The following SMURF1 variants were observed in gnomAD, a reference collection of about 807,000 sequenced individuals.
SMURF1 encodes E3 ubiquitin-protein ligase SMURF1.
Under a neutral mutation model 98.0 loss-of-function variants are expected in SMURF1, and 44 were observed. The ratio of observed to expected loss-of-function variants is 0.45; its 90% CI spans 0.35 to 0.58. The LOEUF (loss-of-function observed/expected upper bound fraction) is 0.58, where lower values mean the gene tolerates loss of function less well. SMURF1 is among the 20% of genes least tolerant of loss of function. The pLI is 0.00. For synonymous variants in SMURF1, 396 were observed against 374.9 expected (o/e 1.06, Z -0.65); for missense variants, 687 against 938.4 (o/e 0.73, Z 3.50).
Position 99,091,016 on chromosome 7 carries a change from T to G in SMURF1, c.56-29179A>C, listed in dbSNP as rs527243468. On this transcript the variant is annotated intron_variant, in intron 1 of 17. Transcript: ENST00000361368. ...GCCACACTAATCAGTTTACTCAGTATCCATGGCTACAACAACAGCAGAGTT... is the reference window on the plus strand; with the variant it reads ...GCCACACTAATCAGTTTACTCAGTAGCCATGGCTACAACAACAGCAGAGTT... Among the ~76,000 whole-genome samples, 8 of 152,300 alleles carry G rather than the reference T, an allele frequency of 5.3e-5. No homozygotes were observed. The East Asian group carries it at 7.7e-4, about 15-fold the overall frequency.
At chr7:99,038,322 T>C in intron 14 of SMURF1, 66 bp downstream of exon 14, 1 of 1,581,138 alleles carries the variant, frequency 6.3e-7, no homozygotes, top group East Asian at 2.2e-5. Flanking sequence ...GCGAAGGAGC[T>C]ACAGCAACTA....
In SMURF1 at chr7:99,137,716, T is replaced by A. The variant is rs566665545; in HGVS notation, c.55+6010A>T. ...CAGCTGCAGTGGAGGTGAACACAGC[T>A]GGAATTACAGAGTGGGGCGCGTCAC... On this transcript the variant is annotated intron_variant, in intron 1 of 17. Coordinates refer to ENST00000361368, the MANE Select transcript of SMURF1 (RefSeq NM_181349.3). Among the ~76,000 whole-genome samples, 414 of 152,356 alleles carry A rather than the reference T, an allele frequency of 2.7e-3. 1 individual carries two copies. Among genetic ancestry groups the A allele is most frequent in the African/African-American group, 9.6e-3 (398 of 41,580 alleles).
In SMURF1 at chr7:99,049,570, T is replaced by C. The variant is rs777448321; in HGVS notation, c.946A>G (p.Ile316Val). 6.2e-7 allele frequency: 1 copy of C among 1,613,182 alleles called. No individual in the cohort carries two copies. The highest frequency in any genetic ancestry group is 1.3e-5 in the African/African-American group (1 of 75,012). Residue 316 changes from isoleucine (I) to valine (V), a missense_variant, in exon 9 of 18, where the codon ATC (isoleucine) becomes GTC (valine). Physicochemically the swap from Ile to Val is conservative, Grantham distance 29. This residue lies in a region of SMURF1 where 415 missense variants were observed against 508.4 expected (regional missense o/e 0.82). Coordinates refer to ENST00000361368, the MANE Select transcript of SMURF1 (RefSeq NM_181349.3). ...TQFTDPRLHH[I>V]MNHQCQLKEP... The stretch of plus-strand genomic sequence containing the variant: ...ATATTTTTAAAGTCTTACTTCATGA[T>C]GTGGTGTAACCTTGGGTCTGTAAAC...
chr7:99,115,534 A>G (rs977824316), intron 1 of SMURF1, among the ~76,000 whole-genome samples: 1 of 152,224 alleles, frequency 6.6e-6, no homozygotes, highest in Non-Finnish European at 1.5e-5. Context: ...CTGAAGCTGC[A>G]GTGAGCTGAG....
At chr7:99,104,580 C>G (rs529042542) in intron 1 of SMURF1, among the ~76,000 whole-genome samples, 135 of 152,298 alleles carry the variant, frequency 8.9e-4, no homozygotes, top group Non-Finnish European at 1.1e-3. Context: ...CCTGCCCATA[C>G]GGTTTTGCTA....
intron 10 of SMURF1, among the ~76,000 whole-genome samples, chr7:99,046,880 G>A (rs1271131550): frequency 2.6e-5 from 4 of 152,172 alleles, no homozygotes; most frequent in African/African-American, 9.7e-5. Flanking sequence ...GCTGGGCGCT[G>A]TGGCCAAGCT....
chr7:99,077,526 G>GTT (rs1304951472), intron 1 of SMURF1, among the ~76,000 whole-genome samples: 4 of 151,748 alleles, frequency 2.6e-5, no homozygotes, highest in Non-Finnish European at 5.9e-5. Context: ...TAGAGATGGG[G>GTT]TTTCAACATG....
chr7:99,077,465 T>C (rs1028036627), intron 1 of SMURF1, among the ~76,000 whole-genome samples: 8 of 151,962 alleles, frequency 5.3e-5, no homozygotes, highest in African/African-American at 1.9e-4. Flanking sequence ...CTCGAGTAGC[T>C]GGGACTACAG....
At chr7:99,075,164 G>C (rs1796423590) in intron 1 of SMURF1, among the ~76,000 whole-genome samples, 1 of 152,182 alleles carries the variant, frequency 6.6e-6, no homozygotes, top group African/African-American at 2.4e-5. Context: ...TGTCACCCAG[G>C]CTGGAGTGCA....
chr7:99,057,466 A>G lies in SMURF1; in HGVS notation c.289T>C (p.Cys97Arg). 1 of 1,596,634 alleles carries G rather than the reference A, an allele frequency of 6.3e-7. No individual in the cohort carries two copies. The highest frequency in any genetic ancestry group is 1.2e-5 in the South Asian group (1 of 86,722). Residue 97 changes from cysteine to arginine, a missense_variant, in exon 4 of 18, where the codon TGT (cysteine) becomes CGT (arginine). Cys to Arg is a radical substitution (Grantham distance 180, BLOSUM62 -3). Around this residue, in one of 2 missense-constraint regions of SMURF1, gnomAD observed 415 missense variants for 508.4 expected, o/e 0.82. Transcript: ENST00000361368. The part of the protein sequence containing the change: ...HKKQGAGFLG[C>R]VRLLSNAISR... Reference sequence around the variant, plus strand: ...ATGGCATTGGAGAGCAGCCGCACACAGCCCAGGAAGCCAGCTCCCTGTTTC... The same window carrying G: ...ATGGCATTGGAGAGCAGCCGCACACGGCCCAGGAAGCCAGCTCCCTGTTTC...
chr7:99,052,327 G>T lies in SMURF1; in HGVS notation c.599C>A (p.Ser200Tyr). Residue 200 changes from serine (S) to tyrosine (Y), a missense_variant, in exon 7 of 18, where the codon TCC becomes TAC. Physicochemically the swap from Ser to Tyr is moderately radical, Grantham distance 144. Around this residue, in one of 2 missense-constraint regions of SMURF1, gnomAD observed 415 missense variants for 508.4 expected, o/e 0.82. Coordinates refer to ENST00000361368, the MANE Select transcript of SMURF1 (RefSeq NM_181349.3). ...AGGGNCRFVE[S>Y]PSQDQRLQAQ... is the part of the protein sequence containing the mutation. Reference sequence around the variant, plus strand: ...CTGAAGTCTTTGATCTTGACTTGGGGACTCCACGAACCTGCAATTCCCTCC... The same window carrying T: ...CTGAAGTCTTTGATCTTGACTTGGGTACTCCACGAACCTGCAATTCCCTCC... The T allele has an allele frequency of 5.0e-6, 8 of 1,612,852 alleles. No individual in the cohort carries two copies. The highest frequency in any genetic ancestry group is 3.4e-6 in the Non-Finnish European group (4 of 1,179,504).
chr7:99,060,041 T>C (rs958998827), intron 3 of SMURF1, among the ~76,000 whole-genome samples: 1 of 151,974 alleles, frequency 6.6e-6, no homozygotes, highest in Admixed American at 6.6e-5. Context: ...ATTGAAAAGT[T>C]TGAGGATCAC....
At position 99,080,728 on chromosome 7, in the gene SMURF1, A is replaced by G. The variant is rs1176771981; in HGVS notation, c.56-18891T>C. Among the ~76,000 whole-genome samples the G allele has an allele frequency of 3.9e-5, 6 of 152,232 alleles. No individual in the cohort carries two copies. In the East Asian group the frequency reaches 1.2e-3, roughly 29 times the overall value. On this transcript the variant is annotated intron_variant, in intron 1 of 17. Coordinates refer to ENST00000361368, the MANE Select transcript of SMURF1 (RefSeq NM_181349.3). ...AAGCCATCCCAACTGAGTTGATGAG[A>G]CCGACACTGAAACCAGGAAACTACA...
At chr7:99,057,377 C>T in intron 4 of SMURF1, 41 bp downstream of exon 4, 1 of 1,612,204 alleles carries the variant, frequency 6.2e-7, no homozygotes, top group African/African-American at 1.3e-5. Context: ...CCTAAGCTTT[C>T]TTTGGTTGCA....
At chr7:99,067,663 T>C (rs914975537) in intron 1 of SMURF1, among the ~76,000 whole-genome samples, 1 of 152,082 alleles carries the variant, frequency 6.6e-6, no homozygotes, top group Non-Finnish European at 1.5e-5. Context: ...ACAAAAATAG[T>C]ACTTGAGGTC....
intron 1 of SMURF1, among the ~76,000 whole-genome samples, chr7:99,083,793 T>C (rs1180742374): frequency 6.6e-6 from 1 of 152,250 alleles, no homozygotes; most frequent in African/African-American, 2.4e-5. Flanking sequence ...ATGGTTTGTT[T>C]AATGGTTCAC....
chr7:99,061,861 A>C, intron 1 of SMURF1, 24 bp from the exon 2 acceptor site: 1 of 1,569,358 alleles, frequency 6.4e-7, no homozygotes, highest in Non-Finnish European at 8.7e-7. Flanking sequence ...AAAATTACTC[A>C]GGTTAGCATT....
At chr7:99,137,127 T>C (rs1019483897) in intron 1 of SMURF1, among the ~76,000 whole-genome samples, 1 of 152,208 alleles carries the variant, frequency 6.6e-6, no homozygotes, top group African/African-American at 2.4e-5. Context: ...TATTAACCGG[T>C]TCTATAGATT....
At chr7:99,119,171 A>G (rs1797535941) in intron 1 of SMURF1, among the ~76,000 whole-genome samples, 1 of 151,958 alleles carries the variant, frequency 6.6e-6, no homozygotes, top group East Asian at 1.9e-4. Flanking sequence ...ATGGGGAGGT[A>G]GAGAAAGAAT....
Sources: allele counts gnomAD v4.1 joint callset (sites outside exome capture counted in the v4.1 genomes callset), GRCh38; gene constraint gnomAD v4.1.1; regional missense constraint gnomAD v4.1.1; transcripts MANE v1.5; gene names NCBI Gene and HGNC (gene_info 2026-07-23, HGNC 2026-07-21).